MAGED1: variants seen among roughly 807,000 people sequenced by gnomAD.
MAGED1 encodes the protein melanoma-associated antigen D1.
MAGED1 carries 3 observed loss-of-function variants against 54.1 expected under a neutral mutation model. The observed-to-expected ratio is 0.06, with a 90% CI of 0.03 to 0.14. MAGED1 has a LOEUF of 0.14. Among genes scored for constraint, MAGED1 ranks in the 10% least tolerant of loss-of-function variants. MAGED1 has a pLI of 1.00. For synonymous variants in MAGED1, 217 were observed against 227.3 expected (o/e 0.95, Z 0.41); for missense variants, 485 against 623.4 (o/e 0.78, Z 2.36).
chrX:51,804,777 T>C (rs1462384252), intron 1 of MAGED1, among the ~76,000 whole-genome samples: 8 of 111,731 alleles, frequency 7.2e-5, no homozygotes, highest in Admixed American at 9.5e-5. Flanking sequence ...GGTTCTACTA[T>C]TTTAGATAGG....
intron 1 of MAGED1, among the ~76,000 whole-genome samples, chrX:51,805,433 A>G (rs1338634526): frequency 9.0e-6 from 1 of 110,615 alleles, no homozygotes; most frequent in African/African-American, 3.3e-5. Context: ...TCAGGCACTC[A>G]GTCCTGGTCT....
chrX:51,860,021 T>C (rs1360851741), intron 1 of MAGED1, among the ~76,000 whole-genome samples: 1 of 111,186 alleles, frequency 9.0e-6, no homozygotes, highest in East Asian at 2.8e-4. Flanking sequence ...ATCCCAGCAC[T>C]TTGGAAGGCC....
At chrX:51,815,615 C>T (rs1006227107) in intron 1 of MAGED1, among the ~76,000 whole-genome samples, 2 of 109,032 alleles carry the variant, frequency 1.8e-5, no homozygotes, top group Admixed American at 9.8e-5. Context: ...CTCCGCCTCC[C>T]GGGTTCAAGC....
At chrX:51,857,099 T>A (rs1406404070) in intron 1 of MAGED1, 1 of 111,053 alleles carries the variant, frequency 9.0e-6, no homozygotes, top group African/African-American at 3.3e-5. Context: ...ATGAATGCTG[T>A]GAATGTAGTG....
intron 1 of MAGED1, among the ~76,000 whole-genome samples, chrX:51,827,639 G>A (rs1925902494): frequency 9.0e-6 from 1 of 111,380 alleles, no homozygotes; most frequent in African/African-American, 3.3e-5. Context: ...GTGCATATAC[G>A]GGAGCAGAGA....
intron 3 of MAGED1, 134 bp from the exon 4 acceptor site, chrX:51,896,275 C>A: frequency 1.8e-6 from 1 of 570,197 alleles, no homozygotes; most frequent in Non-Finnish European, 2.7e-6. Context: ...AAAGACAAAC[C>A]CAGGACTCAG....
In MAGED1 at chrX:51,902,234, C is replaced by T. The variant is rs11541165; in HGVS notation, c.*97C>T. 900 of 225,271 alleles carry T rather than the reference C, an allele frequency of 4.0e-3. 2 individuals are homozygous for T. The highest frequency in any genetic ancestry group is 5.6e-3 in the Non-Finnish European group (702 of 125,872). The allele number at this position is 225,271 out of a possible 1,213,427, so 18.6% of individuals were successfully genotyped here. A position where few individuals can be genotyped will look rare whatever the true frequency, so the allele number is the denominator to read the frequency against. The stretch of plus-strand genomic sequence containing the variant: ...ACACAGCTATCTAGAGAGCCACATC[C>T]TGTTGACTGAAAGTGGCATGCAAGA... On this transcript the variant is annotated 3_prime_UTR_variant, in exon 13 of 13. Transcript: ENST00000326587.
rs781903589 is a variant in MAGED1, at chrX:51,874,585, A to G, written c.-36-19684A>G. Among the ~76,000 whole-genome samples, 4 of 111,435 alleles carry G rather than the reference A, an allele frequency of 3.6e-5. No individual in the cohort carries two copies. In the East Asian group the frequency reaches 1.1e-3, roughly 31 times the overall value. ...ATCATCTAGCATTTTTTTCTTCTCA[A>G]ATATTACAGTTTTTATATCTAGATA... is the stretch of plus-strand genomic sequence containing the variant. On this transcript the variant is annotated intron_variant, in intron 1 of 12. Coordinates refer to the MAGED1 transcript ENST00000375772.
chrX:51,854,598 C>T (rs781843633), intron 1 of MAGED1, among the ~76,000 whole-genome samples: 32 of 111,663 alleles, frequency 2.9e-4, no homozygotes, highest in African/African-American at 9.7e-4. Flanking sequence ...AAGTCAGCTT[C>T]CCTCTCTTGA....
chrX:51,901,669 C>G lies in MAGED1; in HGVS notation c.2076C>G (p.Thr692=), dbSNP rs1557364970. The change falls in exon 12 of 13, where the codon ACC becomes ACG. Residue 692 remains threonine (T), a synonymous_variant. Transcript: ENST00000326587. ...CCGAAGCCCGGGCTGAAGCAAGAACCCGCATGGGAATTGGAGATGAGGCTG... is the reference window on the plus strand; with the variant it reads ...CCGAAGCCCGGGCTGAAGCAAGAACGCGCATGGGAATTGGAGATGAGGCTG... ...AEAEARAEAR[T]RMGIGDEAVS... The G allele has an allele frequency of 8.3e-7, 1 of 1,211,544 alleles. No individual in the cohort carries two copies. The highest frequency in any genetic ancestry group is 1.1e-6 in the Non-Finnish European group (1 of 895,442).
intron 1 of MAGED1, among the ~76,000 whole-genome samples, chrX:51,844,198 A>G (rs781988560): frequency 1.5e-4 from 17 of 111,709 alleles, no homozygotes; most frequent in Non-Finnish European, 3.0e-4. Context: ...GGTAAGTTGA[A>G]TAATGGCCCC....
intron 1 of MAGED1, among the ~76,000 whole-genome samples, chrX:51,866,551 C>T (rs1557361106): frequency 8.9e-6 from 1 of 111,880 alleles, no homozygotes; most frequent in African/African-American, 3.2e-5. Context: ...CAGACAAGCA[C>T]AGTATTTAAG....
chrX:51,810,528 A>T (rs1557355463), intron 1 of MAGED1, among the ~76,000 whole-genome samples: 1 of 111,888 alleles, frequency 8.9e-6, no homozygotes, highest in Admixed American at 9.5e-5. Flanking sequence ...TATGCTGGGC[A>T]CAGGGAATGT....
Position 51,895,510 on chromosome X carries a change from A to G in MAGED1, c.503A>G (p.Asn168Ser). The change falls in exon 3 of 13, where the codon AAT becomes AGT. Residue 168 changes from asparagine (N) to serine (S), a missense_variant. Physicochemically the swap from Asn to Ser is conservative, Grantham distance 46. Transcript: ENST00000326587. ...NATYNFSQSL[N>S]ANDLANSRPK... is the part of the protein sequence containing the mutation. ...ACCTACAATTTCTCTCAGTCTCTCA[A>G]TGCCAATGACCTGGCCAACAGCAGG... 8.3e-7 allele frequency: 1 copy of G among 1,210,904 alleles called. No individual in the cohort carries two copies. The highest frequency in any genetic ancestry group is 1.8e-5 in the South Asian group (1 of 56,604).
intron 6 of MAGED1, 47 bp from the exon 7 acceptor site, chrX:51,897,748 T>G: frequency 9.1e-7 from 1 of 1,093,774 alleles, no homozygotes. Context: ...TATGGGTAGC[T>G]TATGCTAGAT....
chrX:51,863,529 C>A (rs781928001), intron 1 of MAGED1, among the ~76,000 whole-genome samples: 28 of 111,729 alleles, frequency 2.5e-4, no homozygotes, highest in Admixed American at 7.6e-4. Flanking sequence ...ATGTTCAATT[C>A]TTAATTTTGG....
Position 51,894,284 on chromosome X carries a change from C to T in MAGED1, c.-21C>T. 1 of 1,192,707 alleles carries T rather than the reference C, an allele frequency of 8.4e-7. No individual in the cohort carries two copies. Among genetic ancestry groups the T allele is most frequent in the Non-Finnish European group, 1.1e-6 (1 of 884,414 alleles). On this transcript the variant is annotated 5_prime_UTR_variant, in exon 2 of 13. Coordinates refer to ENST00000326587, the MANE Select transcript of MAGED1 (RefSeq NM_006986.4). ...TCTCCCACAGCCCCCAGGCTCCGCT[C>T]TTGCCAGAGGGACAGGAGCCATGGC... is the stretch of plus-strand genomic sequence containing the variant.
chrX:51,899,037 C>T (rs1171346363), intron 10 of MAGED1: 3 of 132,903 alleles, frequency 2.3e-5, no homozygotes, highest in Non-Finnish European at 4.5e-5. Context: ...TTCTCAAGCT[C>T]GTTTCTTACA....
intron 1 of MAGED1, chrX:51,858,148 A>G: frequency 8.9e-6 from 1 of 112,569 alleles, no homozygotes; most frequent in Non-Finnish European, 1.9e-5. Flanking sequence ...TCATTTTTTT[A>G]CAATAATCAT....
Sources: gnomAD v4.1 joint callset for allele counts (sites outside exome capture counted in the v4.1 genomes callset) on GRCh38, gnomAD v4.1.1 for gene constraint, MANE v1.5 for transcripts, NCBI Gene and HGNC (gene_info 2026-07-23, HGNC 2026-07-21) for gene names.